TAF4B: variants seen among roughly 807,000 people sequenced by gnomAD.
The protein encoded by TAF4B is TATA-box binding protein associated factor 4b, also known as transcription initiation factor TFIID subunit 4B.
A neutral mutation model predicts 86.4 loss-of-function variants in TAF4B; 38 were observed. That is an observed-to-expected ratio of 0.44 (90% CI 0.34 to 0.58). The LOEUF is 0.58. Among genes scored for constraint, TAF4B ranks in the 20% least tolerant of loss-of-function variants. TAF4B has a pLI of 0.02. For missense variants in TAF4B, 988 were observed against 1,027.6 expected (o/e 0.96, Z 0.53); for synonymous variants, 388 against 391.2 (o/e 0.99, Z 0.10).
At chr18:26,280,751 A>G (rs763150951) in intron 5 of TAF4B, among the ~76,000 whole-genome samples, 5 of 152,208 alleles carry the variant, frequency 3.3e-5, no homozygotes, top group Non-Finnish European at 7.3e-5. Context: ...AGATTTCTTA[A>G]AGAACTAAAA....
At chr18:26,255,976 A>T in intron 1 of TAF4B, 2 of 1,317,186 alleles carry the variant, frequency 1.5e-6, no homozygotes, top group Non-Finnish European at 2.2e-6. Context: ...GCTGGGAGGC[A>T]CTGGAGGTGG....
intron 9 of TAF4B, among the ~76,000 whole-genome samples, chr18:26,312,209 A>G (rs1394178270): frequency 1.3e-5 from 2 of 152,220 alleles, no homozygotes; most frequent in Non-Finnish European, 2.9e-5. Context: ...ATTAAAACCA[A>G]ACCAGAATCA....
intron 3 of TAF4B, among the ~76,000 whole-genome samples, chr18:26,270,529 G>A (rs978743785): frequency 3.3e-5 from 5 of 152,096 alleles, no homozygotes; most frequent in Non-Finnish European, 5.9e-5. Context: ...TGCCCAGGCT[G>A]TTCTTGAACT....
chr18:26,370,440 T>A (rs561013389), intron 14 of TAF4B, among the ~76,000 whole-genome samples: 1 of 152,328 alleles, frequency 6.6e-6, no homozygotes, highest in South Asian at 2.1e-4. Context: ...CAGTTCTATT[T>A]CTATTGAACC....
chr18:26,255,125 A>G (rs878893804), intron 1 of TAF4B, among the ~76,000 whole-genome samples: 2 of 152,208 alleles, frequency 1.3e-5, no homozygotes, highest in Non-Finnish European at 2.9e-5. Context: ...ACAGTTTATC[A>G]TACAACAAAT....
At chr18:26,262,471 CA>C (rs1031311659) in intron 1 of TAF4B, among the ~76,000 whole-genome samples, 21 of 134,268 alleles carry the variant, frequency 1.6e-4, no homozygotes, top group African/African-American at 6.8e-4. Flanking sequence ...GGACAGTTTC[CA>C]AACACTTTTT....
In TAF4B at chr18:26,286,091, A is replaced by C. The variant is rs184091357; in HGVS notation, c.1182A>C (p.Gln394His). Residue 394 changes from glutamine to histidine, a missense_variant, in exon 7 of 15, where the codon CAA becomes CAC. Transcript: ENST00000269142. ...GATAPRTVSVQTLNPLAGPVG... is the reference protein window; with the variant it reads ...GATAPRTVSVHTLNPLAGPVG... ...CAGCACCCAGAACTGTGTCAGTGCAAACTTTGAACCCACTTGCTGGTCCAG... is the reference window on the plus strand; with the variant it reads ...CAGCACCCAGAACTGTGTCAGTGCACACTTTGAACCCACTTGCTGGTCCAG... 7.7e-5 allele frequency: 125 copies of C among 1,614,194 alleles called. No individual in the cohort carries two copies. Among genetic ancestry groups the C allele is most frequent in the Non-Finnish European group, 9.3e-5 (110 of 1,180,016 alleles).
intron 1 of TAF4B, among the ~76,000 whole-genome samples, chr18:26,246,280 G>C (rs540571050): frequency 1.3e-5 from 2 of 152,146 alleles, no homozygotes; most frequent in Non-Finnish European, 2.9e-5. Context: ...CTATGTCTAA[G>C]AAGGCTCTTG....
intron 13 of TAF4B, among the ~76,000 whole-genome samples, chr18:26,351,361 G>T (rs1631017): frequency 0.35 from 53,425 of 152,008 alleles, 11,450 homozygotes; most frequent in East Asian, 0.81. Context: ...GTAGAGGATG[G>T]AAAGGGTCTG....
At chr18:26,243,747 G>T (rs1467794685) in intron 1 of TAF4B, among the ~76,000 whole-genome samples, 1 of 152,190 alleles carries the variant, frequency 6.6e-6, no homozygotes, top group African/African-American at 2.4e-5. Context: ...TGATGATGGT[G>T]ATGTACAGAT....
At chr18:26,268,543 T>A (rs1007664460) in intron 3 of TAF4B, among the ~76,000 whole-genome samples, 1 of 152,202 alleles carries the variant, frequency 6.6e-6, no homozygotes, top group Non-Finnish European at 1.5e-5. Flanking sequence ...ATAACCATGT[T>A]CATTTGAGGT....
At chr18:26,229,689 G>C (rs1164995959) in intron 1 of TAF4B, among the ~76,000 whole-genome samples, 1 of 151,930 alleles carries the variant, frequency 6.6e-6, no homozygotes, top group Non-Finnish European at 1.5e-5. Flanking sequence ...TTTTAGTAGA[G>C]ATGGGGTTTC....
intron 1 of TAF4B, among the ~76,000 whole-genome samples, chr18:26,257,838 C>CGTGTGTGT (rs1230126162): frequency 9.9e-6 from 1 of 100,708 alleles, no homozygotes; most frequent in East Asian, 3.0e-4. Flanking sequence ...CTTTCCTCTG[C>CGTGTGTGT]GTGCGTGTGT....
rs75973076 is a variant in TAF4B at position 26,285,904 on chromosome 18, A to C, written c.995A>C (p.Gln332Pro). 6.2e-7 allele frequency: 1 copy of C among 1,608,408 alleles called. No homozygotes were observed. Among genetic ancestry groups the C allele is most frequent in the South Asian group, 1.1e-5 (1 of 90,240 alleles). ...FLKKSVVALRQLLPNSQSFIQ... is the reference protein window; with the variant it reads ...FLKKSVVALRPLLPNSQSFIQ... ...CAGAAAAGCGTGGTTGCCTTACGAC[A>C]ACTTCTGCCTAACTCCCAGAGCTTC... Residue 332 changes from glutamine (Q) to proline (P), a missense_variant, in exon 7 of 15, where the codon CAA (glutamine) becomes CCA (proline). This residue lies in a region of TAF4B where 747 missense variants were observed against 737.9 expected (regional missense o/e 1.01). Coordinates refer to ENST00000269142, the MANE Select transcript of TAF4B (RefSeq NM_005640.3).
At chr18:26,280,433 T>C (rs972018784) in intron 5 of TAF4B, among the ~76,000 whole-genome samples, 12 of 151,984 alleles carry the variant, frequency 7.9e-5, no homozygotes, top group African/African-American at 2.9e-4. Flanking sequence ...AGGTCTAATA[T>C]ACAGAATCAA....
chr18:26,356,337 C>T (rs1033068557), intron 13 of TAF4B, among the ~76,000 whole-genome samples: 8 of 152,038 alleles, frequency 5.3e-5, no homozygotes, highest in Admixed American at 3.3e-4. Flanking sequence ...GGGATACAGA[C>T]GTTCAGAACA....
chr18:26,264,449 A>T (rs539229272), intron 1 of TAF4B, among the ~76,000 whole-genome samples: 2 of 152,120 alleles, frequency 1.3e-5, no homozygotes, highest in South Asian at 4.1e-4. Flanking sequence ...TAAAAGAGTT[A>T]TTTGTCAGGA....
intron 1 of TAF4B, among the ~76,000 whole-genome samples, chr18:26,252,904 G>A (rs1475052643): frequency 2.0e-5 from 3 of 151,188 alleles, no homozygotes; most frequent in African/African-American, 7.3e-5. Flanking sequence ...TTTATCATAG[G>A]TATGTATGTA....
intron 5 of TAF4B, among the ~76,000 whole-genome samples, chr18:26,279,133 T>C (rs1332642922): frequency 6.6e-6 from 1 of 152,162 alleles, no homozygotes; most frequent in Non-Finnish European, 1.5e-5. Context: ...TCTTAAAGAC[T>C]CTGCCAAAAG....
Sources: allele counts gnomAD v4.1 joint callset (sites outside exome capture counted in the v4.1 genomes callset), GRCh38; gene constraint gnomAD v4.1.1; regional missense constraint gnomAD v4.1.1; transcripts MANE v1.5; gene names NCBI Gene and HGNC (gene_info 2026-07-23, HGNC 2026-07-21).